TRPM2: variants seen among roughly 807,000 people sequenced by gnomAD.
TRPM2 encodes estrogen-responsive element-associated gene 1 protein.
Under a neutral mutation model 174.0 loss-of-function variants are expected in TRPM2, and 161 were observed. The ratio of observed to expected loss-of-function variants is 0.93; its 90% CI spans 0.81 to 1.05. The LOEUF (loss-of-function observed/expected upper bound fraction) is 1.05, where lower values mean the gene tolerates loss of function less well. TRPM2 is among the 50% of genes least tolerant of loss of function. The pLI is 0.00. For missense variants in TRPM2, 2,057 were observed against 2,038.0 expected, an observed-to-expected ratio of 1.01 and a Z score of -0.18; for synonymous variants, 954 against 861.3, an observed-to-expected ratio of 1.11 and a Z score of -1.88.
At chr21:44,390,868 C>T in intron 9 of TRPM2, 36 bp from the exon 10 acceptor site, 1 of 1,612,824 alleles carries the variant, frequency 6.2e-7, no homozygotes. Flanking sequence ...CTTTGAGCTC[C>T]AGATCGAGGC....
rs919441406 is a variant in TRPM2, at chr21:44,376,467, C to T, written c.952+454C>T. 4.6e-5 allele frequency among the ~76,000 whole-genome samples: 7 copies of T among 152,058 alleles called. No homozygotes were observed. Among genetic ancestry groups the T allele is most frequent in the African/African-American group, 9.7e-5 (4 of 41,390 alleles). On this transcript the variant is annotated intron_variant, in intron 6 of 31. Coordinates refer to ENST00000397928, the MANE Select transcript of TRPM2 (RefSeq NM_003307.4). This position sits in a 1 kb window ranked among gnomAD's most constrained non-coding sequence, Gnocchi z 4.2. The stretch of plus-strand genomic sequence containing the variant: ...GTGTGATCTCAGCTCACTGTAGCCT[C>T]GAACTTCTGGGCTCAAGGGATCCTC...
intron 16 of TRPM2, among the ~76,000 whole-genome samples, chr21:44,404,220 G>T (rs11909980): frequency 0.039 from 5,886 of 150,016 alleles, 320 homozygotes; most frequent in African/African-American, 0.12. Context: ...GAGACACACA[G>T]ATACACATAC....
chr21:44,350,410 G>T, upstream of TRPM2: 1 of 151,874 alleles, frequency 6.6e-6, no homozygotes, highest in South Asian at 1.8e-4. Context: ...CAGGGGTGCG[G>T]GGTGCGGGGA....
At chr21:44,392,949 T>C (rs900248094) in intron 11 of TRPM2, among the ~76,000 whole-genome samples, 5 of 152,150 alleles carry the variant, frequency 3.3e-5, no homozygotes, top group African/African-American at 1.2e-4. Flanking sequence ...ATGGGAGCCC[T>C]GCTCTAGTCT....
In TRPM2 at chr21:44,369,283, C is replaced by T. The variant is rs746685219; in HGVS notation, c.711C>T (p.Ile237=). The T allele has an allele frequency of 1.9e-6, 3 of 1,613,800 alleles. No homozygotes were observed. The highest frequency in any genetic ancestry group is 2.5e-6 in the Non-Finnish European group (3 of 1,179,932). Residue 237 remains isoleucine, a synonymous_variant, in exon 5 of 32, where the codon ATC becomes ATT. Transcript: ENST00000397928. Reference sequence around the variant, plus strand: ...GCAGCTACAAGGAAGGCGAGCTCATCACCATCGGAGTCGCCACCTGGGGCA... The same window carrying T: ...GCAGCTACAAGGAAGGCGAGCTCATTACCATCGGAGTCGCCACCTGGGGCA... The part of the protein sequence containing the change: ...LSSSYKEGEL[I]TIGVATWGTV...
At position 44,406,041 on chromosome 21, in the gene TRPM2, A is replaced by C; in HGVS notation, c.2790+4A>C. ...GATCATCATTGTGAAGCGGATGGTAAGGGGGCGGGGGCACCGGCTCCATCG... is the reference window on the plus strand; with the variant it reads ...GATCATCATTGTGAAGCGGATGGTACGGGGGCGGGGGCACCGGCTCCATCG... On this transcript the variant is annotated splice_donor_region_variant and intron_variant, in intron 18 of 31. Transcript: ENST00000397928. 1 of 1,604,720 alleles carries C rather than the reference A, an allele frequency of 6.2e-7. No homozygotes were observed. Among genetic ancestry groups the C allele is most frequent in the Non-Finnish European group, 8.5e-7 (1 of 1,179,502 alleles).
chr21:44,364,250 G>A lies in TRPM2; in HGVS notation c.391G>A (p.Val131Ile), dbSNP rs753087762. ...EMPTDAFGDIVFTGLSQKVKK... is the reference protein window; with the variant it reads ...EMPTDAFGDIIFTGLSQKVKK... ...GCCAACCGATGCCTTTGGCGACATC[G>A]TCTTCACGGGCCTGAGCCAGAAGGT... Residue 131 changes from valine (V) to isoleucine (I), a missense_variant, in exon 3 of 32, where the codon GTC becomes ATC. By Grantham distance (29) the Val-to-Ile change is conservative. Transcript: ENST00000397928. 56 of 1,614,210 alleles carry A rather than the reference G, an allele frequency of 3.5e-5. 1 individual carries two copies. The Admixed American group carries it at 6.0e-4, about 17-fold the overall frequency.
rs553078945 is a variant in TRPM2, at chr21:44,380,313, A to G, written c.1215+1116A>G. Among the ~76,000 whole-genome samples the G allele has an allele frequency of 1.1e-4, 16 of 152,336 alleles. No individual in the cohort carries two copies. The East Asian group carries it at 3.1e-3, about 29-fold the overall frequency. ...ATGATGTAGCTGCAAGCGTCAGATC[A>G]GTTTGTGAAAACATCGTGGTCCGGC... On this transcript the variant is annotated intron_variant, in intron 8 of 31. Transcript: ENST00000397928.
rs115555738 is a variant in TRPM2, at chr21:44,437,904, G to T, written c.4167+737G>T. Among the ~76,000 whole-genome samples, 569 of 152,362 alleles carry T rather than the reference G, an allele frequency of 3.7e-3. 3 individuals are homozygous for T. Among genetic ancestry groups the T allele is most frequent in the African/African-American group, 0.013 (533 of 41,582 alleles). ...GGCCTGGCCGTGGCGCATGGCCTCT[G>T]GGGTACAGCCTGCCCCGCAGGGCCT... On this transcript the variant is annotated intron_variant, in intron 29 of 31. Transcript: ENST00000397928.
In TRPM2 at chr21:44,438,652, T is replaced by C. The variant is rs1007734276; in HGVS notation, c.4168-415T>C. ...CAGCCAGCCGCAGCACAGGCCGGGGTGGGACTGGGAGAGACGGGAATGCAA... is the reference window on the plus strand; with the variant it reads ...CAGCCAGCCGCAGCACAGGCCGGGGCGGGACTGGGAGAGACGGGAATGCAA... On this transcript the variant is annotated intron_variant, in intron 29 of 31. Transcript: ENST00000397928. The surrounding 1 kb of genome is among the most constrained non-coding windows in gnomAD (Gnocchi z 5.9). Among the ~76,000 whole-genome samples, 1 of 150,740 alleles carries C rather than the reference T, an allele frequency of 6.6e-6. No homozygotes were observed. Among genetic ancestry groups the C allele is most frequent in the Non-Finnish European group, 1.5e-5 (1 of 67,696 alleles).
intron 7 of TRPM2, among the ~76,000 whole-genome samples, chr21:44,378,342 C>T (rs1019395942): frequency 6.6e-6 from 1 of 152,192 alleles, no homozygotes; most frequent in South Asian, 2.1e-4. Context: ...GGATCTGGAG[C>T]AAGAGTATGG....
At chr21:44,435,646 C>T (rs1384909263) in intron 28 of TRPM2, among the ~76,000 whole-genome samples, 39 of 128,220 alleles carry the variant, frequency 3.0e-4, no homozygotes, top group Admixed American at 4.7e-4. Flanking sequence ...CCCCTCAGAC[C>T]CACTCTCCAC....
chr21:44,353,985 C>G (rs561828733), intron 1 of TRPM2, 120 bp downstream of exon 1: 1 of 1,219,258 alleles, frequency 8.2e-7, no homozygotes, highest in Non-Finnish European at 1.1e-6. Context: ...CTTGGGGGCT[C>G]CTGCCCAACC....
chr21:44,380,816 T>A (rs942265778), intron 8 of TRPM2, among the ~76,000 whole-genome samples: 2 of 152,186 alleles, frequency 1.3e-5, no homozygotes, highest in African/African-American at 4.8e-5. Context: ...AGCCTTGCCT[T>A]TCTCATCTGT....
In TRPM2 at chr21:44,439,281, C is replaced by T. The variant is rs2051400018; in HGVS notation, c.4269+113C>T. On this transcript the variant is annotated intron_variant, in intron 30 of 31. Transcript: ENST00000397928. The surrounding 1 kb of genome is among the most constrained non-coding windows in gnomAD (Gnocchi z 5.1). ...ACCACTGGGTGGCAGCGGTCCCACC[C>T]AGCTTCACCAGGTGACGGTGGTCCC... is the stretch of plus-strand genomic sequence containing the variant. 2.2e-6 allele frequency: 2 copies of T among 906,360 alleles called. No individual in the cohort carries two copies. The highest frequency in any genetic ancestry group is 4.2e-5 in the Admixed American group (2 of 47,724). 56.1% of individuals were successfully genotyped at this position (906,360 alleles called of 1,614,324 possible).
chr21:44,396,912 GTGTGGAGGGGTGTGGGGGGT>G (rs2049443692), intron 12 of TRPM2, among the ~76,000 whole-genome samples: 1 of 121,648 alleles, frequency 8.2e-6, no homozygotes, highest in Admixed American at 8.2e-5. Flanking sequence ...GTGTGGAGGG[GTGTGGAGGGGTGTGGGGGGT>G]TGTGGAGGGC....
chr21:44,400,192 C>G, intron 14 of TRPM2, 67 bp from the exon 15 acceptor site: 1 of 1,395,916 alleles, frequency 7.2e-7, no homozygotes, highest in South Asian at 1.2e-5. Context: ...CCTCAGCAGA[C>G]AGCTGACGGG....
chr21:44,397,491 C>T (rs374775310), intron 12 of TRPM2, among the ~76,000 whole-genome samples: 11 of 152,284 alleles, frequency 7.2e-5, no homozygotes, highest in African/African-American at 2.4e-4. Flanking sequence ...GTGCTGGGCC[C>T]GTGCTGTCCG....
At chr21:44,398,468 T>C (rs2049503835) in intron 13 of TRPM2, among the ~76,000 whole-genome samples, 1 of 152,140 alleles carries the variant, frequency 6.6e-6, no homozygotes, top group Admixed American at 6.6e-5. Flanking sequence ...CCCAAAGTGC[T>C]GGGATTACAG....
Sources: allele counts gnomAD v4.1 joint callset (sites outside exome capture counted in the v4.1 genomes callset), GRCh38; gene constraint gnomAD v4.1.1; non-coding constraint Gnocchi (gnomAD v3.1); transcripts MANE v1.5; gene names NCBI Gene and HGNC (gene_info 2026-07-23, HGNC 2026-07-21).